The following L2HGDH variants were observed in gnomAD, a reference collection of about 807,000 sequenced individuals.
L2HGDH encodes the protein L-2-hydroxyglutarate dehydrogenase, mitochondrial.
L2HGDH carries 34 observed loss-of-function variants against 51.5 expected under a neutral mutation model. The ratio of observed to expected loss-of-function variants is 0.66; its 90% CI spans 0.50 to 0.88. The LOEUF (loss-of-function observed/expected upper bound fraction) is 0.88, where lower values mean the gene tolerates loss of function less well. Among genes scored for constraint, L2HGDH ranks in the 40% least tolerant of loss-of-function variants. L2HGDH has a pLI of 0.00. For missense variants in L2HGDH, 558 were observed against 571.9 expected (o/e 0.98, Z 0.25); for synonymous variants, 198 against 197.9 (o/e 1.00, Z -0.01).
At chr14:50,309,530 C>G (rs1566544496) in intron 1 of L2HGDH, among the ~76,000 whole-genome samples, 1 of 151,098 alleles carries the variant, frequency 6.6e-6, no homozygotes, top group Non-Finnish European at 1.5e-5. Context: ...CCACTGTACT[C>G]CAGCCTGGGT....
intron 1 of L2HGDH, among the ~76,000 whole-genome samples, chr14:50,303,525 C>G (rs1435693638): frequency 1.3e-5 from 2 of 151,302 alleles, no homozygotes; most frequent in Non-Finnish European, 2.9e-5. Context: ...GCCTGTAATC[C>G]CAGCACTTTG....
chr14:50,264,541 C>T (rs981465716), intron 9 of L2HGDH, among the ~76,000 whole-genome samples: 3 of 152,142 alleles, frequency 2.0e-5, no homozygotes, highest in African/African-American at 7.2e-5. Context: ...AGAGAAGAAG[C>T]AAGGTGAGAT....
intron 1 of L2HGDH, among the ~76,000 whole-genome samples, chr14:50,303,708 C>T (rs577963327): frequency 1.6e-3 from 220 of 141,456 alleles, no homozygotes; most frequent in Non-Finnish European, 2.2e-3. Flanking sequence ...ACCTGGGAGG[C>T]GGAGGTTGCA....
chr14:50,266,825 C>A (rs1468923477), intron 8 of L2HGDH, among the ~76,000 whole-genome samples: 2 of 151,892 alleles, frequency 1.3e-5, no homozygotes, highest in African/African-American at 2.4e-5. Flanking sequence ...TCATGTGAAA[C>A]CCTTTAGAGA....
At chr14:50,292,012 A>G (rs1050489932) in intron 4 of L2HGDH, among the ~76,000 whole-genome samples, 3 of 152,224 alleles carry the variant, frequency 2.0e-5, no homozygotes, top group African/African-American at 4.8e-5. Flanking sequence ...CATACCTGCA[A>G]CAAACAAATA....
At chr14:50,279,685 T>TA (rs955696622) in intron 5 of L2HGDH, among the ~76,000 whole-genome samples, 97 of 141,514 alleles carry the variant, frequency 6.9e-4, no homozygotes, top group Middle Eastern at 7.2e-3. Flanking sequence ...TTTTATTATT[T>TA]AAAAAAAAAA....
At chr14:50,295,745 C>CT (rs58353838) in intron 3 of L2HGDH, among the ~76,000 whole-genome samples, 136 of 131,510 alleles carry the variant, frequency 1.0e-3, no homozygotes, top group Middle Eastern at 8.5e-3. Context: ...TTCATAGCAT[C>CT]TTTTTTTTTT....
chr14:50,259,055 A>ATTTTTTTTTTTTTTTT (rs1888842490), intron 9 of L2HGDH, among the ~76,000 whole-genome samples: 1 of 146,020 alleles, frequency 6.8e-6, no homozygotes. Flanking sequence ...ACAAGGTCTC[A>ATTTTTTTTTTTTTTTT]TATTGCCCAG....
chr14:50,289,803 A>T (rs1890772899), intron 4 of L2HGDH, among the ~76,000 whole-genome samples: 1 of 152,228 alleles, frequency 6.6e-6, no homozygotes, highest in African/African-American at 2.4e-5. Flanking sequence ...TAGAAAGATT[A>T]TAACCCACTC....
chr14:50,247,367 T>C, intron 9 of L2HGDH, 114 bp from the exon 10 acceptor site: 7 of 1,493,392 alleles, frequency 4.7e-6, no homozygotes, highest in Non-Finnish European at 6.3e-6. Flanking sequence ...CACAATTATA[T>C]GGAAACCCAA....
Position 50,283,917 on chromosome 14 carries a change from T to C in L2HGDH, c.657A>G (p.Val219=). The change falls in exon 5 of 10, where the codon GTA becomes GTG. Residue 219 remains valine, a synonymous_variant. Coordinates refer to ENST00000267436, the MANE Select transcript of L2HGDH (RefSeq NM_024884.3). ...TTTCTTTAGCCATTTCAATACCTTT[T>C]ACTTCAAAATTGGTCAAGACAGAGC... The part of the protein sequence containing the change: ...AGGSVLTNFE[V]KGIEMAKESP... 6.2e-7 allele frequency: 1 copy of C among 1,614,128 alleles called. No individual in the cohort carries two copies.
chr14:50,282,277 A>G (rs544813299), intron 5 of L2HGDH, among the ~76,000 whole-genome samples: 1 of 152,080 alleles, frequency 6.6e-6, no homozygotes, highest in Non-Finnish European at 1.5e-5. Context: ...CCCCAATATC[A>G]ATAGTGTCAG....
intron 9 of L2HGDH, among the ~76,000 whole-genome samples, chr14:50,257,255 A>G (rs1234599612): frequency 6.6e-6 from 1 of 152,082 alleles, no homozygotes; most frequent in African/African-American, 2.4e-5. Flanking sequence ...CTATGGATAC[A>G]TCTTTATCTT....
chr14:50,304,304 T>C (rs1479301391), intron 1 of L2HGDH, among the ~76,000 whole-genome samples: 1 of 152,286 alleles, frequency 6.6e-6, no homozygotes, highest in Admixed American at 6.5e-5. Context: ...TGCATGACTA[T>C]ACTTTGTGTT....
chr14:50,290,036 C>A (rs1002020590), intron 4 of L2HGDH, among the ~76,000 whole-genome samples: 1 of 152,046 alleles, frequency 6.6e-6, no homozygotes, highest in Non-Finnish European at 1.5e-5. Flanking sequence ...GAGGCTGAGG[C>A]GGGCGGATCA....
At chr14:50,272,650 C>T (rs1473200373) in intron 6 of L2HGDH, among the ~76,000 whole-genome samples, 3 of 152,198 alleles carry the variant, frequency 2.0e-5, no homozygotes, top group Non-Finnish European at 4.4e-5. Context: ...CCATTATTAA[C>T]TGGGTGGTGT....
At chr14:50,250,751 G>A (rs1406371751) in intron 9 of L2HGDH, among the ~76,000 whole-genome samples, 1 of 152,220 alleles carries the variant, frequency 6.6e-6, no homozygotes, top group Non-Finnish European at 1.5e-5. Context: ...AAAAGAACAA[G>A]AGTCTCTGCC....
At chr14:50,307,298 C>A (rs187614436) in intron 1 of L2HGDH, among the ~76,000 whole-genome samples, 12 of 152,318 alleles carry the variant, frequency 7.9e-5, no homozygotes, top group Non-Finnish European at 1.5e-4. Context: ...CTTTTTCCAA[C>A]TACATGTGCC....
At chr14:50,273,376 G>A (rs1202172404) in intron 6 of L2HGDH, among the ~76,000 whole-genome samples, 2 of 152,098 alleles carry the variant, frequency 1.3e-5, no homozygotes, top group Non-Finnish European at 2.9e-5. Context: ...CTCCATAAAT[G>A]GTGCTGGGAA....
Sources: gnomAD v4.1 joint callset for allele counts (sites outside exome capture counted in the v4.1 genomes callset) on GRCh38, gnomAD v4.1.1 for gene constraint, MANE v1.5 for transcripts, NCBI Gene and HGNC (gene_info 2026-07-23, HGNC 2026-07-21) for gene names.